Variants in LIMK2 observed in about 807,000 individuals in gnomAD.
LIMK2 encodes LIM domain kinase 2.
In LIMK2, 35 loss-of-function variants were observed where a neutral mutation model predicts 75.7. The observed-to-expected ratio is 0.46, with a 90% CI of 0.35 to 0.61. The LOEUF is 0.61. LIMK2 is among the 20% of genes least tolerant of loss of function. The pLI is 0.00. For missense variants in LIMK2, 623 were observed against 831.0 expected, an observed-to-expected ratio of 0.75 and a Z score of 3.08; for synonymous variants, 301 against 319.2, an observed-to-expected ratio of 0.94 and a Z score of 0.61.
chr22:31,258,238 G>A, intron 2 of LIMK2, 53 bp from the exon 3 acceptor site: 1 of 1,537,168 alleles, frequency 6.5e-7, no homozygotes, highest in Non-Finnish European at 8.8e-7. Flanking sequence ...GACAGCTTAT[G>A]TGGCCTGGTT....
At chr22:31,265,213 A>AAG (rs2048881714) in intron 7 of LIMK2, among the ~76,000 whole-genome samples, 1 of 149,116 alleles carries the variant, frequency 6.7e-6, no homozygotes, top group East Asian at 2.0e-4. Context: ...AAAAAAAAAA[A>AAG]AAATTAGCCG....
intron 1 of LIMK2, among the ~76,000 whole-genome samples, chr22:31,224,276 T>C (rs1307262452): frequency 6.6e-6 from 1 of 152,212 alleles, no homozygotes; most frequent in Non-Finnish European, 1.5e-5. Context: ...CTTTTGTCTA[T>C]GCTGGTCTCT....
At position 31,248,843 on chromosome 22, in the gene LIMK2, TCTC is replaced by T. The variant is rs1223520741; in HGVS notation, c.117-9445_117-9443del. On this transcript the variant is annotated intron_variant, in intron 2 of 15. Coordinates refer to ENST00000331728, the MANE Select transcript of LIMK2 (RefSeq NM_005569.4). ...CTGAGAGGAGGGTGGTCTCCCTAAA[TCTC>T]CTTCTCACTTAGTCCTTTACCATCG... The T allele has an allele frequency of 2.0e-6, 3 of 1,491,074 alleles. No individual in the cohort carries two copies. In the African/African-American group the frequency reaches 4.1e-5, roughly 21 times the overall value. 92.4% of individuals were successfully genotyped at this position (1,491,074 alleles called of 1,614,324 possible). A position where few individuals can be genotyped will look rare whatever the true frequency, so the allele number is the denominator to read the frequency against.
chr22:31,279,275 G>A lies in LIMK2; in HGVS notation c.*834G>A, dbSNP rs564576765. The A allele has an allele frequency of 1.2e-4, 18 of 152,376 alleles. No individual in the cohort carries two copies. Among genetic ancestry groups the A allele is most frequent in the South Asian group, 6.2e-4 (3 of 4,834 alleles). The allele number at this position is 152,376 out of a possible 1,614,324, so 9.4% of individuals were successfully genotyped here. ...ATCTTGGCTTCTGTTACTCATACTC[G>A]GGTGGGCTCCTTAGTCAGATGCCTA... On this transcript the variant is annotated 3_prime_UTR_variant, in exon 16 of 16. Transcript: ENST00000331728.
intron 2 of LIMK2, chr22:31,248,718 T>G: frequency 6.2e-7 from 1 of 1,614,094 alleles, no homozygotes; most frequent in Non-Finnish European, 8.5e-7. Context: ...GGGAAGAAGA[T>G]GGGGAGTTAC....
rs949007923 is a variant in LIMK2 at position 31,248,915 on chromosome 22, T to A, written c.117-9376T>A. 4 of 847,402 alleles carry A rather than the reference T, an allele frequency of 4.7e-6. No individual in the cohort carries two copies. The African/African-American group carries it at 5.0e-5, about 11-fold the overall frequency. The allele number at this position is 847,402 out of a possible 1,614,324, so 52.5% of individuals were successfully genotyped here. A position where few individuals can be genotyped will look rare whatever the true frequency, so the allele number is the denominator to read the frequency against. On this transcript the variant is annotated intron_variant, in intron 2 of 15. Transcript: ENST00000331728. ...CAGCGGAGGTTATACCCAAGGAGAATCGGCCTTGTGAGGTACCCCCATTAT... is the reference window on the plus strand; with the variant it reads ...CAGCGGAGGTTATACCCAAGGAGAAACGGCCTTGTGAGGTACCCCCATTAT...
rs2048950829 is a variant in LIMK2, at chr22:31,271,010, G to A, written c.1318-126G>A. ...GGCCATAGGAGGCCCTGGCCCTGTTGTCCAGGTTGGGTTCTGAAGCTGGGT... is the reference window on the plus strand; with the variant it reads ...GGCCATAGGAGGCCCTGGCCCTGTTATCCAGGTTGGGTTCTGAAGCTGGGT... On this transcript the variant is annotated intron_variant, in intron 11 of 15. Coordinates refer to ENST00000331728, the MANE Select transcript of LIMK2 (RefSeq NM_005569.4). 2.5e-6 allele frequency: 2 copies of A among 791,034 alleles called. 1 individual carries two copies. The highest frequency in any genetic ancestry group is 3.8e-5 in the Admixed American group (2 of 52,512). 49.0% of individuals were successfully genotyped at this position (791,034 alleles called of 1,614,324 possible). A position where few individuals can be genotyped will look rare whatever the true frequency, so the allele number is the denominator to read the frequency against.
chr22:31,234,559 A>G (rs2048555651), intron 2 of LIMK2, among the ~76,000 whole-genome samples: 2 of 151,124 alleles, frequency 1.3e-5, no homozygotes, highest in Admixed American at 1.3e-4. Flanking sequence ...CATCTCTACT[A>G]AAAATACAAA....
Position 31,253,337 on chromosome 22 carries a change from C to T in LIMK2, c.117-4954C>T, listed in dbSNP as rs531599891. ...AAAACAGCCTTGGCTTTGGGAAGAACGTATGATGTCCATGGCCTCTAAGCA... is the reference window on the plus strand; with the variant it reads ...AAAACAGCCTTGGCTTTGGGAAGAATGTATGATGTCCATGGCCTCTAAGCA... On this transcript the variant is annotated intron_variant, in intron 2 of 15. Coordinates refer to ENST00000331728, the MANE Select transcript of LIMK2 (RefSeq NM_005569.4). Among the ~76,000 whole-genome samples, 13 of 152,282 alleles carry T rather than the reference C, an allele frequency of 8.5e-5. No homozygotes were observed. In the South Asian group the frequency reaches 2.5e-3, roughly 29 times the overall value.
At chr22:31,220,274 G>C (rs535558050) in intron 1 of LIMK2, among the ~76,000 whole-genome samples, 1 of 152,304 alleles carries the variant, frequency 6.6e-6, no homozygotes, top group Non-Finnish European at 1.5e-5. Context: ...ACTGAGGCCA[G>C]GTTTATCCAC....
At chr22:31,248,917 G>C in intron 2 of LIMK2, 1 of 794,450 alleles carries the variant, frequency 1.3e-6, no homozygotes, top group Non-Finnish European at 2.1e-6. Flanking sequence ...AAGGAGAATC[G>C]GCCTTGTGAG....
rs544686643 is a variant in LIMK2, at chr22:31,223,556, T to G, written c.17-2164T>G. On this transcript the variant is annotated intron_variant, in intron 1 of 15. Transcript: ENST00000331728. ...AACTGACCCTGAAAGCTCTTACATG[T>G]AAGAGTTCCAAAAATATTTCCAAAA... Among the ~76,000 whole-genome samples, 11 of 152,324 alleles carry G rather than the reference T, an allele frequency of 7.2e-5. No homozygotes were observed. In the South Asian group the frequency reaches 2.1e-3, roughly 29 times the overall value.
intron 2 of LIMK2, among the ~76,000 whole-genome samples, chr22:31,244,514 C>T (rs765570118): frequency 9.2e-5 from 14 of 152,112 alleles, no homozygotes; most frequent in Non-Finnish European, 1.8e-4. Flanking sequence ...GCCCACCTCA[C>T]CTCCTCTGTG....
Position 31,212,366 on chromosome 22 carries a change from G to C in LIMK2, c.-43G>C. 18 of 1,332,994 alleles carry C rather than the reference G, an allele frequency of 1.4e-5. No individual in the cohort carries two copies. The highest frequency in any genetic ancestry group is 1.7e-5 in the Non-Finnish European group (18 of 1,032,848). 82.6% of individuals were successfully genotyped at this position (1,332,994 alleles called of 1,614,324 possible). ...TTGTAGGGAACTGAGGGGAGCTGCT[G>C]TGTCCCCCGCCTCCTCCTCCCCATT... On this transcript the variant is annotated 5_prime_UTR_variant, in exon 1 of 16. Coordinates refer to ENST00000331728, the MANE Select transcript of LIMK2 (RefSeq NM_005569.4).
At chr22:31,220,491 G>GACAATAAAGA (rs1444753442) in intron 1 of LIMK2, among the ~76,000 whole-genome samples, 1 of 152,230 alleles carries the variant, frequency 6.6e-6, no homozygotes, top group Admixed American at 6.5e-5. Context: ...TAAAGATACA[G>GACAATAAAGA]TTCTTACACC....
intron 2 of LIMK2, among the ~76,000 whole-genome samples, chr22:31,244,808 C>T (rs972930000): frequency 1.3e-5 from 2 of 152,234 alleles, no homozygotes; most frequent in African/African-American, 4.8e-5. Flanking sequence ...GGCTTACATG[C>T]AGTGCATTGT....
intron 1 of LIMK2, among the ~76,000 whole-genome samples, chr22:31,221,079 G>A (rs2048429715): frequency 6.6e-6 from 1 of 152,174 alleles, no homozygotes. Flanking sequence ...GGCAGGAATA[G>A]AAAATAGGTC....
At chr22:31,248,924 T>C (rs2048697786) in intron 2 of LIMK2, among the ~76,000 whole-genome samples, 1 of 152,068 alleles carries the variant, frequency 6.6e-6, no homozygotes, top group Non-Finnish European at 1.5e-5. Flanking sequence ...ATCGGCCTTG[T>C]GAGGTACCCC....
At chr22:31,276,797 C>CT in intron 15 of LIMK2, 2 of 1,609,486 alleles carry the variant, frequency 1.2e-6, no homozygotes, top group South Asian at 1.1e-5. Context: ...AGAGCCCCCC[C>CT]CGGGGCCGCA....
Sources: allele counts gnomAD v4.1 joint callset (sites outside exome capture counted in the v4.1 genomes callset), GRCh38; gene constraint gnomAD v4.1.1; transcripts MANE v1.5; gene names NCBI Gene and HGNC (gene_info 2026-07-23, HGNC 2026-07-21).